The following PRKG1 variants were observed in gnomAD, a reference collection of about 807,000 sequenced individuals.
PRKG1 encodes protein kinase cGMP-dependent 1.
A neutral mutation model predicts 88.1 loss-of-function variants in PRKG1; 35 were observed. That is an observed-to-expected ratio of 0.40 (90% CI 0.30 to 0.53). The LOEUF (loss-of-function observed/expected upper bound fraction) is 0.53, where lower values mean the gene tolerates loss of function less well. PRKG1 is among the 20% of genes least tolerant of loss of function. The probability of loss-of-function intolerance (pLI) is 0.59; values close to 1 mark genes in which losing one functional copy is unlikely to be tolerated. For missense variants in PRKG1, 540 were observed against 839.8 expected (o/e 0.64, Z 4.41); for synonymous variants, 303 against 292.5 (o/e 1.04, Z -0.37).
rs540582194 is a variant in PRKG1, at chr10:51,641,119, A to T, written c.593-163466A>T. 2.6e-5 allele frequency among the ~76,000 whole-genome samples: 4 copies of T among 152,320 alleles called. No homozygotes were observed. The Middle Eastern group carries it at 0.01, about 389-fold the overall frequency. ...TAATACTGCAAAATGAGTGAATTAA[A>T]CAATCATAAATGACTTCCAAGATTA... is the stretch of plus-strand genomic sequence containing the variant. On this transcript the variant is annotated intron_variant, in intron 3 of 17. Transcript: ENST00000373980.
At chr10:51,893,749 G>A (rs1841777260) in intron 4 of PRKG1, among the ~76,000 whole-genome samples, 1 of 152,094 alleles carries the variant, frequency 6.6e-6, no homozygotes, top group African/African-American at 2.4e-5. Flanking sequence ...ACAACACCAT[G>A]AGCTAAGTTT....
chr10:52,199,332 T>C (rs1366868571), intron 9 of PRKG1, among the ~76,000 whole-genome samples: 1 of 152,066 alleles, frequency 6.6e-6, no homozygotes, highest in Non-Finnish European at 1.5e-5. Flanking sequence ...AGAAAACCAG[T>C]AGAAATTGCT....
Position 52,280,791 on chromosome 10 carries a change from G to A in PRKG1, c.1406G>A (p.Gly469Asp). 1 of 1,612,194 alleles carries A rather than the reference G, an allele frequency of 6.2e-7. No individual in the cohort carries two copies. Residue 469 changes from glycine (G) to aspartate (D), a missense_variant and splice_region_variant, in exon 13 of 18, where the codon GGT becomes GAT. This residue lies in a region of PRKG1 where 400 missense variants were observed against 562.7 expected (regional missense o/e 0.71). Coordinates refer to ENST00000373980, the MANE Select transcript of PRKG1 (RefSeq NM_006258.4). ...GELWTILRDR[G>D]SFEDSTTRFY... The stretch of plus-strand genomic sequence containing the variant: ...TTCATTCCATTTCTGCACCTCAGAG[G>A]TTCGTTTGAAGATTCTACAACCAGA...
At chr10:51,529,645 TCCTGACCCCC>T (rs1841967852) in intron 3 of PRKG1, among the ~76,000 whole-genome samples, 1 of 152,104 alleles carries the variant, frequency 6.6e-6, no homozygotes, top group Non-Finnish European at 1.5e-5. Context: ...CTTCTTTCTT[TCCTGACCCCC>T]CTCACTGAAA....
At chr10:51,957,043 C>G (rs1211690689) in intron 5 of PRKG1, among the ~76,000 whole-genome samples, 1 of 148,862 alleles carries the variant, frequency 6.7e-6, no homozygotes, top group African/African-American at 2.5e-5. Context: ...CTTCCTCCCT[C>G]CTTTCTTCCC....
At chr10:51,586,014 C>A (rs770549284) in intron 3 of PRKG1, among the ~76,000 whole-genome samples, 4 of 152,032 alleles carry the variant, frequency 2.6e-5, no homozygotes, top group Non-Finnish European at 5.9e-5. Context: ...TCAAAAGCTA[C>A]CTGTTGGGTA....
chr10:51,096,681 A>T (rs1044243374), intron 1 of PRKG1, among the ~76,000 whole-genome samples: 3 of 152,136 alleles, frequency 2.0e-5, no homozygotes, highest in Non-Finnish European at 2.9e-5. Flanking sequence ...TCCTCCATCT[A>T]TAAAACAGAG....
chr10:52,154,920 A>G (rs1251549543), intron 8 of PRKG1, among the ~76,000 whole-genome samples: 1 of 152,154 alleles, frequency 6.6e-6, no homozygotes, highest in African/African-American at 2.4e-5. Context: ...GAGTTACCTC[A>G]CTTAGAATAA....
At chr10:51,527,454 G>T (rs1169909755) in intron 3 of PRKG1, among the ~76,000 whole-genome samples, 1 of 152,082 alleles carries the variant, frequency 6.6e-6, no homozygotes, top group African/African-American at 2.4e-5. Flanking sequence ...GTGGAAATGA[G>T]CTGAGCTGGA....
chr10:51,484,094 T>G (rs987820558), intron 3 of PRKG1, among the ~76,000 whole-genome samples: 2 of 152,144 alleles, frequency 1.3e-5, no homozygotes, highest in Admixed American at 6.5e-5. Flanking sequence ...TGAAGTAAAT[T>G]TTGATGGATG....
At chr10:51,220,356 G>A (rs1463785941) in intron 2 of PRKG1, among the ~76,000 whole-genome samples, 1 of 152,116 alleles carries the variant, frequency 6.6e-6, no homozygotes, top group Non-Finnish European at 1.5e-5. Flanking sequence ...ATAAGTGAGT[G>A]TTGTTTTAAG....
At chr10:51,053,707 G>GT (rs1389581465) in intron 1 of PRKG1, among the ~76,000 whole-genome samples, 2 of 151,768 alleles carry the variant, frequency 1.3e-5, no homozygotes, top group African/African-American at 2.4e-5. Context: ...AAGATTAAAC[G>GT]TAAGTAGTTT....
At chr10:51,428,312 C>G (rs1334151619) in intron 2 of PRKG1, among the ~76,000 whole-genome samples, 2 of 152,186 alleles carry the variant, frequency 1.3e-5, no homozygotes, top group African/African-American at 2.4e-5. Flanking sequence ...TGAGTTAACT[C>G]TTATTCCCTG....
chr10:51,807,267 T>G (rs1004329026), intron 4 of PRKG1, among the ~76,000 whole-genome samples: 4 of 152,176 alleles, frequency 2.6e-5, no homozygotes, highest in Admixed American at 1.3e-4. Context: ...TGATAAAAAA[T>G]TAAAGACCTT....
At chr10:52,100,471 G>A (rs76146785) in intron 7 of PRKG1, among the ~76,000 whole-genome samples, 68 of 152,214 alleles carry the variant, frequency 4.5e-4, no homozygotes, top group African/African-American at 1.3e-3. Flanking sequence ...TTTTTCTGCC[G>A]AGTTAGCTGA....
chr10:51,658,723 G>T (rs188365486), intron 3 of PRKG1, among the ~76,000 whole-genome samples: 37 of 152,200 alleles, frequency 2.4e-4, no homozygotes, highest in Middle Eastern at 3.4e-3. Context: ...GATTTCCATA[G>T]AGAGCGGTTC....
At chr10:51,173,515 A>G (rs1000714399) in intron 2 of PRKG1, among the ~76,000 whole-genome samples, 14 of 151,890 alleles carry the variant, frequency 9.2e-5, no homozygotes, top group Non-Finnish European at 1.5e-4. Context: ...ACTGTCATCA[A>G]TGTGGAAGTA....
intron 3 of PRKG1, among the ~76,000 whole-genome samples, chr10:51,545,701 C>T (rs996189777): frequency 5.3e-5 from 8 of 152,116 alleles, no homozygotes; most frequent in African/African-American, 1.9e-4. Flanking sequence ...TTGTCATTTC[C>T]CCAGTGTATG....
At chr10:51,616,972 G>C (rs894970177) in intron 3 of PRKG1, among the ~76,000 whole-genome samples, 9 of 152,176 alleles carry the variant, frequency 5.9e-5, no homozygotes, top group Non-Finnish European at 8.8e-5. Context: ...TAGGCCATCT[G>C]TTGGTGGCAG....
Sources: gnomAD v4.1 joint callset for allele counts (sites outside exome capture counted in the v4.1 genomes callset) on GRCh38, gnomAD v4.1.1 for gene constraint, gnomAD v4.1.1 regional missense constraint, MANE v1.5 for transcripts, NCBI Gene and HGNC (gene_info 2026-07-23, HGNC 2026-07-21) for gene names.